TMPRSS7: variants seen among roughly 807,000 people sequenced by gnomAD.
TMPRSS7 encodes transmembrane serine protease 7, also known as transmembrane protease serine 7.
A neutral mutation model predicts 95.6 loss-of-function variants in TMPRSS7; 81 were observed. The ratio of observed to expected loss-of-function variants is 0.85; its 90% CI spans 0.71 to 1.02. The LOEUF is 1.02. Among genes scored for constraint, TMPRSS7 ranks in the 50% least tolerant of loss-of-function variants. The pLI, the probability that TMPRSS7 is intolerant of heterozygous loss-of-function variation, is 0.00. For synonymous variants in TMPRSS7, 364 were observed against 337.8 expected (o/e 1.08, Z -0.85); for missense variants, 945 against 955.2 (o/e 0.99, Z 0.14).
exon 12 of TMPRSS7, chr3:112,063,615 G>C (rs370040070): frequency 6.2e-7 from 1 of 1,614,004 alleles, no homozygotes; most frequent in Non-Finnish European, 8.5e-7. Context: ...TTTGATGAAA[G>C]TGATGAACTG....
chr3:112,046,877 C>T lies in TMPRSS7; in HGVS notation c.692-97C>T, dbSNP rs1021653504. On this transcript the variant is annotated intron_variant, in intron 5 of 17. Transcript: ENST00000452346. Reference sequence around the variant, plus strand: ...AGTAAATCCCAGATGTGTTTGATTGCCTTTAAAGAAGGACTGAAAATAATT... The same window carrying T: ...AGTAAATCCCAGATGTGTTTGATTGTCTTTAAAGAAGGACTGAAAATAATT... 8.7e-6 allele frequency: 6 copies of T among 686,718 alleles called. No homozygotes were observed. The South Asian group carries it at 9.4e-5, about 11-fold the overall frequency. 42.5% of individuals were successfully genotyped at this position (686,718 alleles called of 1,614,324 possible).
chr3:112,070,988 A>G (rs2073638950), intron 13 of TMPRSS7, among the ~76,000 whole-genome samples: 1 of 152,118 alleles, frequency 6.6e-6, no homozygotes, highest in Admixed American at 6.5e-5. Context: ...TCCTGTCATT[A>G]TGATGTTAGC....
chr3:112,040,080 A>T (rs1173647950), intron 2 of TMPRSS7, among the ~76,000 whole-genome samples: 1 of 151,096 alleles, frequency 6.6e-6, no homozygotes, highest in Non-Finnish European at 1.5e-5. Context: ...TGTTATGGGT[A>T]GAGAAACAGT....
chr3:112,073,235 G>T (rs980022705), intron 13 of TMPRSS7, among the ~76,000 whole-genome samples: 2 of 151,862 alleles, frequency 1.3e-5, no homozygotes, highest in Non-Finnish European at 2.9e-5. Flanking sequence ...GGGATTACTG[G>T]TGCACACCAC....
intron 12 of TMPRSS7, among the ~76,000 whole-genome samples, chr3:112,065,526 A>G (rs1032085074): frequency 1.3e-5 from 2 of 152,148 alleles, no homozygotes; most frequent in African/African-American, 4.8e-5. Context: ...GATTATTGTT[A>G]ATTTATAATA....
chr3:112,074,809 A>G (rs1467220684), intron 14 of TMPRSS7, among the ~76,000 whole-genome samples: 1 of 152,216 alleles, frequency 6.6e-6, no homozygotes, highest in Non-Finnish European at 1.5e-5. Flanking sequence ...AATCTCCCAC[A>G]TGCTCCTATT....
At chr3:112,050,082 G>A in intron 8 of TMPRSS7, 108 bp downstream of exon 8, 1 of 1,119,924 alleles carries the variant, frequency 8.9e-7, no homozygotes, top group Non-Finnish European at 1.2e-6. Context: ...ATTAGTCTGG[G>A]ACTCTGAATA....
intron 12 of TMPRSS7, among the ~76,000 whole-genome samples, chr3:112,064,592 G>T (rs1055783985): frequency 6.6e-6 from 1 of 152,034 alleles, no homozygotes; most frequent in Non-Finnish European, 1.5e-5. Context: ...CAAACTCCTG[G>T]CCTCAAGCAT....
At chr3:112,041,445 A>C (rs1009741206) in intron 2 of TMPRSS7, among the ~76,000 whole-genome samples, 7 of 150,582 alleles carry the variant, frequency 4.6e-5, no homozygotes, top group African/African-American at 1.5e-4. Context: ...TCTCTTTCTC[A>C]CTCTTTCTCC....
At chr3:112,069,789 T>A (rs1456846246) in intron 13 of TMPRSS7, among the ~76,000 whole-genome samples, 1 of 151,598 alleles carries the variant, frequency 6.6e-6, no homozygotes, top group African/African-American at 2.4e-5. Flanking sequence ...TCAGATTCAT[T>A]GATTTTTTTT....
chr3:112,050,693 C>A, exon 9 of TMPRSS7: 1 of 1,603,944 alleles, frequency 6.2e-7, no homozygotes, highest in South Asian at 1.1e-5. Flanking sequence ...CAGTGTTGGT[C>A]AAAGACATCA....
chr3:112,074,224 T>C, intron 13 of TMPRSS7, 72 bp from the exon 14 acceptor site: 1 of 1,049,862 alleles, frequency 9.5e-7, no homozygotes, highest in Non-Finnish European at 1.5e-6. Flanking sequence ...TTTGGAGTTA[T>C]TCATTCAAAT....
Position 112,080,242 on chromosome 3 carries a change from T to C in TMPRSS7, c.2362-672T>C, listed in dbSNP as rs73856359. On this transcript the variant is annotated intron_variant, in intron 17 of 17. Coordinates refer to ENST00000452346, the Ensembl canonical transcript of TMPRSS7. ...AATTATGTTTATACTTTGAATTGTT[T>C]AAGCCTTTGCTTAGAGGAATTGAGA... is the stretch of plus-strand genomic sequence containing the variant. Among the ~76,000 whole-genome samples, 432 of 152,366 alleles carry C rather than the reference T, an allele frequency of 2.8e-3. 2 individuals are homozygous for C. Among genetic ancestry groups the C allele is most frequent in the Middle Eastern group, 0.01 (3 of 294 alleles).
chr3:112,040,760 G>A (rs1417051689), intron 2 of TMPRSS7, among the ~76,000 whole-genome samples: 1 of 152,198 alleles, frequency 6.6e-6, no homozygotes, highest in Non-Finnish European at 1.5e-5. Flanking sequence ...ATCAGTACAA[G>A]CAAAGGGAGA....
intron 10 of TMPRSS7, among the ~76,000 whole-genome samples, chr3:112,060,431 G>A (rs1003843081): frequency 3.3e-5 from 5 of 152,010 alleles, no homozygotes; most frequent in Admixed American, 6.6e-5. Flanking sequence ...CTACAGTCTC[G>A]ATCATAGAAG....
At chr3:112,037,147 A>T (rs1220680763) in intron 1 of TMPRSS7, among the ~76,000 whole-genome samples, 7 of 152,262 alleles carry the variant, frequency 4.6e-5, no homozygotes, top group Non-Finnish European at 1.0e-4. Context: ...AACAAGGGAG[A>T]TAACCATTGG....
At chr3:112,078,354 A>G (rs73856351) in intron 16 of TMPRSS7, among the ~76,000 whole-genome samples, 2,631 of 152,346 alleles carry the variant, frequency 0.017, 81 homozygotes, top group East Asian at 0.065. Flanking sequence ...TTTATGGTTC[A>G]TCAGAGACTC....
exon 16 of TMPRSS7, chr3:112,077,004 T>C: frequency 6.2e-7 from 1 of 1,614,202 alleles, no homozygotes; most frequent in South Asian, 1.1e-5. Context: ...GATTATGATA[T>C]TGCTTTGCTA....
exon 13 of TMPRSS7, chr3:112,066,432 G>C (rs1559961168): frequency 6.2e-7 from 1 of 1,614,010 alleles, no homozygotes. Flanking sequence ...CCTTCAGGCA[G>C]CATGGCCCTC....
Sources: allele counts gnomAD v4.1 joint callset (sites outside exome capture counted in the v4.1 genomes callset), GRCh38; gene constraint gnomAD v4.1.1; transcripts MANE v1.5; gene names NCBI Gene and HGNC (gene_info 2026-07-23, HGNC 2026-07-21).